RCOR1: variants seen among roughly 807,000 people sequenced by gnomAD.
RCOR1 encodes the protein REST corepressor.
RCOR1 carries 12 observed loss-of-function variants against 64.0 expected under a neutral mutation model. That is an observed-to-expected ratio of 0.19 (90% CI 0.12 to 0.30). The LOEUF (loss-of-function observed/expected upper bound fraction) is 0.30. Ranked by LOEUF, RCOR1 falls within the 10% of genes least tolerant of loss-of-function variation. RCOR1 has a pLI of 1.00. For missense variants in RCOR1, 502 were observed against 621.2 expected (o/e 0.81, Z 2.04); for synonymous variants, 279 against 227.2 (o/e 1.23, Z -2.05).
intron 2 of RCOR1, among the ~76,000 whole-genome samples, chr14:102,669,603 G>T (rs889933777): frequency 3.9e-5 from 6 of 152,236 alleles, no homozygotes; most frequent in African/African-American, 1.4e-4. Context: ...CTTCGACTCA[G>T]CTTCACTGCT....
At chr14:102,618,477 A>G (rs1270463115) in intron 2 of RCOR1, among the ~76,000 whole-genome samples, 2 of 151,982 alleles carry the variant, frequency 1.3e-5, no homozygotes, top group African/African-American at 4.8e-5. Context: ...GGGCATGGGC[A>G]TATACCTATA....
chr14:102,657,897 T>C (rs1406339577), intron 2 of RCOR1: 3 of 984,750 alleles, frequency 3.0e-6, no homozygotes, highest in Non-Finnish European at 3.6e-6. Flanking sequence ...CAGGCCAGTT[T>C]CCCATTATAT....
chr14:102,701,042 T>C (rs1454894388), intron 3 of RCOR1, among the ~76,000 whole-genome samples: 1 of 152,186 alleles, frequency 6.6e-6, no homozygotes, highest in Non-Finnish European at 1.5e-5. Flanking sequence ...CTTGTGAGAC[T>C]TACTAACAGG....
At chr14:102,653,731 C>T (rs978988594) in intron 2 of RCOR1, among the ~76,000 whole-genome samples, 5 of 151,950 alleles carry the variant, frequency 3.3e-5, no homozygotes, top group African/African-American at 1.2e-4. Context: ...TCTTGTCTCT[C>T]TTGCTCCTCC....
chr14:102,667,479 C>T (rs1374246148), intron 2 of RCOR1, among the ~76,000 whole-genome samples: 1 of 151,882 alleles, frequency 6.6e-6, no homozygotes. Flanking sequence ...CCAGCCTTGG[C>T]AACAGAGTGA....
At chr14:102,726,418 GTTTACCTACTCT>G (rs71119733) in intron 11 of RCOR1, 38 bp from the exon 12 acceptor site, 59,931 of 1,521,642 alleles carry the variant, frequency 0.039, 1,364 homozygotes, top group Non-Finnish European at 0.044. Context: ...AGCTTGTGTT[GTTTACCTACTCT>G]TTGATCCTTT....
intron 2 of RCOR1, among the ~76,000 whole-genome samples, chr14:102,676,524 T>C (rs1358411975): frequency 5.5e-4 from 8 of 14,562 alleles, no homozygotes; most frequent in African/African-American, 1.0e-3. Context: ...CCCACCTCCC[T>C]CCCGGACGGG....
intron 2 of RCOR1, among the ~76,000 whole-genome samples, chr14:102,677,112 G>C (rs1231459426): frequency 1.1e-4 from 15 of 130,440 alleles, no homozygotes; most frequent in African/African-American, 2.7e-4. Flanking sequence ...CGGCCGGGCC[G>C]AGGAGCCCCT....
chr14:102,601,878 T>A (rs1176600528), intron 2 of RCOR1, among the ~76,000 whole-genome samples: 2 of 152,154 alleles, frequency 1.3e-5, no homozygotes, highest in Non-Finnish European at 2.9e-5. Context: ...CCCATACGTG[T>A]TTTTGTACTT....
At chr14:102,628,861 T>G (rs140225640) in intron 2 of RCOR1, among the ~76,000 whole-genome samples, 1 of 151,908 alleles carries the variant, frequency 6.6e-6, no homozygotes, top group Non-Finnish European at 1.5e-5. Flanking sequence ...GCCTCCCCTT[T>G]TCTCTACTGC....
chr14:102,708,555 C>A lies in RCOR1; in HGVS notation c.751C>A (p.Arg251=). ...TKTSVMDRHA[R]KQKREREESE... ...AACTAGTGTGATGGATCGCCATGCC[C>A]GGAAACAAAAACGGGAGCGGGAGGA... is the stretch of plus-strand genomic sequence containing the variant. Residue 251 remains arginine (R), a synonymous_variant, in exon 6 of 12, where the codon CGG becomes AGG. Coordinates refer to ENST00000262241, the MANE Select transcript of RCOR1 (RefSeq NM_015156.4). 1 of 1,610,764 alleles carries A rather than the reference C, an allele frequency of 6.2e-7. No homozygotes were observed. The highest frequency in any genetic ancestry group is 8.5e-7 in the Non-Finnish European group (1 of 1,177,518).
chr14:102,678,339 G>A (rs1287350813), intron 2 of RCOR1, among the ~76,000 whole-genome samples: 2 of 151,978 alleles, frequency 1.3e-5, no homozygotes, highest in Non-Finnish European at 2.9e-5. Context: ...TCGCTCTGTC[G>A]CCCAGGCTGG....
At chr14:102,650,752 T>TTTATATATAACAATATATATAAACAA (rs1894571762) in intron 2 of RCOR1, among the ~76,000 whole-genome samples, 1 of 152,202 alleles carries the variant, frequency 6.6e-6, no homozygotes, top group African/African-American at 2.4e-5. Context: ...TCTGCAATTG[T>TTTATATATAACAATATATATAAACAA]TATATATAAA....
intron 8 of RCOR1, among the ~76,000 whole-genome samples, chr14:102,720,322 C>T (rs1896149660): frequency 6.6e-6 from 1 of 152,104 alleles, no homozygotes; most frequent in Non-Finnish European, 1.5e-5. Context: ...GCAGCCATAG[C>T]CTGGGAGGTT....
chr14:102,607,380 AT>A (rs1178277114), intron 2 of RCOR1, among the ~76,000 whole-genome samples: 1 of 152,184 alleles, frequency 6.6e-6, no homozygotes, highest in African/African-American at 2.4e-5. Flanking sequence ...ATTTGTATAA[AT>A]TGGAGATGCA....
In RCOR1 at chr14:102,728,273, G is replaced by A. The variant is rs1806358834; in HGVS notation, c.*1767G>A. The A allele has an allele frequency of 6.6e-6, 1 of 152,112 alleles. No individual in the cohort carries two copies. Among genetic ancestry groups the A allele is most frequent in the Admixed American group, 6.6e-5 (1 of 15,252 alleles). 9.4% of individuals were successfully genotyped at this position (152,112 alleles called of 1,614,324 possible). ...TCGTTCCCGTGCCAGGTGTGTGTTGGTCACGTAAAAGCCTGGGAAGCATCA... is the reference window on the plus strand; with the variant it reads ...TCGTTCCCGTGCCAGGTGTGTGTTGATCACGTAAAAGCCTGGGAAGCATCA... On this transcript the variant is annotated 3_prime_UTR_variant, in exon 12 of 12. Transcript: ENST00000262241.
At chr14:102,721,105 T>C in intron 9 of RCOR1, 21 bp downstream of exon 9, 1 of 1,405,546 alleles carries the variant, frequency 7.1e-7, no homozygotes, top group Non-Finnish European at 9.9e-7. Flanking sequence ...GTTAACATCA[T>C]CTTAGAAGTC....
intron 2 of RCOR1, among the ~76,000 whole-genome samples, chr14:102,676,711 C>T (rs1895170479): frequency 8.9e-6 from 1 of 112,010 alleles, no homozygotes; most frequent in Non-Finnish European, 1.9e-5. Context: ...CCGGACTGGG[C>T]GGCTGGCCGG....
intron 2 of RCOR1, chr14:102,657,488 G>A: frequency 1.0e-6 from 1 of 983,276 alleles, no homozygotes; most frequent in Non-Finnish European, 1.2e-6. Context: ...TAGAGATTTT[G>A]GTTTATTAAT....
Sources: gnomAD v4.1 joint callset for allele counts (sites outside exome capture counted in the v4.1 genomes callset) on GRCh38, gnomAD v4.1.1 for gene constraint, MANE v1.5 for transcripts, NCBI Gene and HGNC (gene_info 2026-07-23, HGNC 2026-07-21) for gene names.